CLRN1: variants seen among roughly 807,000 people sequenced by gnomAD.
CLRN1 encodes clarin 1.
In CLRN1, 15 loss-of-function variants were observed where a neutral mutation model predicts 18.7. That is an observed-to-expected ratio of 0.80 (90% CI 0.54 to 1.23). The LOEUF (loss-of-function observed/expected upper bound fraction) is 1.23, where lower values mean the gene tolerates loss of function less well. Among genes scored for constraint, CLRN1 ranks in the 50% most tolerant of loss-of-function variants. The pLI, the probability that CLRN1 is intolerant of heterozygous loss-of-function variation, is 0.00. For missense variants in CLRN1, 311 were observed against 277.5 expected, an observed-to-expected ratio of 1.12 and a Z score of -0.86; for synonymous variants, 104 against 102.9, an observed-to-expected ratio of 1.01 and a Z score of -0.07.
rs1231233910 is a variant in CLRN1, at chr3:150,941,724, G to A, written c.291C>T (p.Ile97=). Residue 97 remains isoleucine (I), a synonymous_variant, in exon 2 of 3, where the codon ATC becomes ATT. Transcript: ENST00000327047. ...CAGAGAAGAGAATGACATTGACGTG[G>A]ATGCTCACTGGGATTGCTTTGAGCA... The part of the protein sequence containing the change: ...PDLLKAIPVS[I]HVNVILFSAI... 10 of 1,613,952 alleles carry A rather than the reference G, an allele frequency of 6.2e-6. No individual in the cohort carries two copies. The highest frequency in any genetic ancestry group is 1.3e-5 in the African/African-American group (1 of 74,934).
In CLRN1 at chr3:150,927,819, C is replaced by T; in HGVS notation, c.*117G>A. 1 of 1,242,686 alleles carries T rather than the reference C, an allele frequency of 8.0e-7. No homozygotes were observed. The highest frequency in any genetic ancestry group is 1.2e-6 in the Non-Finnish European group (1 of 851,932). 77.0% of individuals were successfully genotyped at this position (1,242,686 alleles called of 1,614,324 possible). A position where few individuals can be genotyped will look rare whatever the true frequency, so the allele number is the denominator to read the frequency against. On this transcript the variant is annotated 3_prime_UTR_variant, in exon 3 of 3. Coordinates refer to ENST00000327047, the MANE Select transcript of CLRN1 (RefSeq NM_174878.3). ...TTAGTACGTAATTTGTAAACATTGT[C>T]ACGAAGGGTCCTGATGCTTTAATAT...
At chr3:150,941,117 G>A (rs1231351002) in intron 2 of CLRN1, among the ~76,000 whole-genome samples, 1 of 135,194 alleles carries the variant, frequency 7.4e-6, no homozygotes, top group Non-Finnish European at 1.6e-5. Context: ...ACAGATTGGA[G>A]TCTGTATTGT....
intron 1 of CLRN1, among the ~76,000 whole-genome samples, chr3:150,960,528 C>A (rs9825625): frequency 0.61 from 92,793 of 152,038 alleles, 28,762 homozygotes; most frequent in East Asian, 0.69. Context: ...ATTGCTATAA[C>A]TAATGCAGGA....
Position 150,926,838 on chromosome 3 carries a change from G to T in CLRN1, c.*1098C>A, listed in dbSNP as rs987353761. The T allele has an allele frequency of 1.2e-6, 2 of 1,614,054 alleles. No individual in the cohort carries two copies. Among genetic ancestry groups the T allele is most frequent in the Non-Finnish European group, 1.7e-6 (2 of 1,180,024 alleles). On this transcript the variant is annotated 3_prime_UTR_variant, in exon 3 of 3. Transcript: ENST00000327047. ...GACAGCAGGTTGAGGATGAAGGAAG[G>T]GTCAGTTCCAGGCTCAGCTGTGGCC...
intron 1 of CLRN1, among the ~76,000 whole-genome samples, chr3:150,948,945 T>C (rs1221920585): frequency 6.6e-6 from 1 of 152,148 alleles, no homozygotes; most frequent in Non-Finnish European, 1.5e-5. Context: ...TGAACATCAA[T>C]GCAAAAATCC....
intron 1 of CLRN1, among the ~76,000 whole-genome samples, chr3:150,953,645 G>A (rs1714596886): frequency 6.6e-6 from 1 of 152,092 alleles, no homozygotes; most frequent in African/African-American, 2.4e-5. Flanking sequence ...AGCCACTCAA[G>A]TAGCTGGGAT....
intron 2 of CLRN1, among the ~76,000 whole-genome samples, chr3:150,928,763 G>A (rs966975981): frequency 6.6e-6 from 1 of 152,186 alleles, no homozygotes; most frequent in Non-Finnish European, 1.5e-5. Context: ...TTGAGGTGGC[G>A]CACATCTCTA....
At chr3:150,947,359 T>C (rs980893469) in intron 1 of CLRN1, among the ~76,000 whole-genome samples, 4 of 152,180 alleles carry the variant, frequency 2.6e-5, no homozygotes, top group African/African-American at 9.7e-5. Flanking sequence ...AAGATCTAAC[T>C]ATCCTAAATA....
Position 150,955,000 on chromosome 3 carries a change from A to G in CLRN1, c.254-13239T>C, listed in dbSNP as rs368501222. The stretch of plus-strand genomic sequence containing the variant: ...TGCCAAAAACTGGAAACAACTTAGT[A>G]TCCATTGACAGGTGAACAGATAAAC... On this transcript the variant is annotated intron_variant, in intron 1 of 2. Transcript: ENST00000327047. 4.9e-4 allele frequency among the ~76,000 whole-genome samples: 74 copies of G among 152,364 alleles called. 1 individual carries two copies. In the South Asian group the frequency reaches 0.015, roughly 31 times the overall value.
At chr3:150,934,418 G>A (rs977138959) in intron 2 of CLRN1, among the ~76,000 whole-genome samples, 8 of 152,192 alleles carry the variant, frequency 5.3e-5, no homozygotes, top group African/African-American at 1.9e-4. Flanking sequence ...TGTAAGAGAA[G>A]CTATATGTAA....
At chr3:150,934,828 T>C (rs1160287641) in intron 2 of CLRN1, among the ~76,000 whole-genome samples, 2 of 151,854 alleles carry the variant, frequency 1.3e-5, no homozygotes, top group South Asian at 4.2e-4. Context: ...TTTCTCTTTC[T>C]CTCTCTCTGT....
intron 1 of CLRN1, 43 bp downstream of exon 1, chr3:150,972,413 T>A: frequency 1.2e-6 from 2 of 1,613,464 alleles, no homozygotes; most frequent in Non-Finnish European, 8.5e-7. Context: ...CTGGGAAGAG[T>A]CTGCCTAAAG....
chr3:150,941,647 G>T lies in CLRN1; in HGVS notation c.368C>A (p.Ala123Asp), dbSNP rs374963432. 41 of 1,614,062 alleles carry T rather than the reference G, an allele frequency of 2.5e-5. No homozygotes were observed. In the African/African-American group the frequency reaches 5.2e-4, roughly 20 times the overall value. ...MVGTAFFMYN[A>D]FGKPFETLHG... ...CAGAGTTTCAAAAGGTTTTCCAAAA[G>T]CATTGTACATGAAGAAGGCTGTCCC... is the stretch of plus-strand genomic sequence containing the variant. Residue 123 changes from alanine (A) to aspartate (D), a missense_variant, in exon 2 of 3, where the codon GCT (alanine) becomes GAT (aspartate). By Grantham distance (126) the Ala-to-Asp change is moderately radical. Coordinates refer to ENST00000327047, the MANE Select transcript of CLRN1 (RefSeq NM_174878.3).
intron 1 of CLRN1, among the ~76,000 whole-genome samples, chr3:150,955,243 A>G (rs1267141576): frequency 6.6e-6 from 1 of 152,210 alleles, no homozygotes; most frequent in African/African-American, 2.4e-5. Context: ...TGGGGGTAGG[A>G]GAGGAGATGG....
chr3:150,941,124 TTGTC>T lies in CLRN1; in HGVS notation c.433+454_433+457del, dbSNP rs1278553633. ...CACGACCAACAGATTGGAGTCTGTA[TTGTC>T]TGTCTGTCTGTCTATCTATCTATCT... On this transcript the variant is annotated intron_variant, in intron 2 of 2. Coordinates refer to ENST00000327047, the MANE Select transcript of CLRN1 (RefSeq NM_174878.3). 2.3e-3 allele frequency among the ~76,000 whole-genome samples: 333 copies of T among 141,980 alleles called. 3 individuals are homozygous for T. Among genetic ancestry groups the T allele is most frequent in the South Asian group, 7.1e-3 (32 of 4,520 alleles). The allele number at this position is 141,980 out of a possible 152,430, so 93.1% of individuals were successfully genotyped here. A position where few individuals can be genotyped will look rare whatever the true frequency, so the allele number is the denominator to read the frequency against.
intron 2 of CLRN1, among the ~76,000 whole-genome samples, chr3:150,938,705 G>T (rs1182310127): frequency 6.6e-6 from 1 of 152,136 alleles, no homozygotes; most frequent in Non-Finnish European, 1.5e-5. Context: ...CAGATCTGGA[G>T]CTGGCTCCTT....
At chr3:150,936,988 C>G (rs1713530296) in intron 2 of CLRN1, among the ~76,000 whole-genome samples, 1 of 152,194 alleles carries the variant, frequency 6.6e-6, no homozygotes, top group Non-Finnish European at 1.5e-5. Flanking sequence ...AAAGCCAGAT[C>G]TCTGCTATCT....
chr3:150,955,837 T>TA (rs1460036096), intron 1 of CLRN1, among the ~76,000 whole-genome samples: 1 of 152,216 alleles, frequency 6.6e-6, no homozygotes, highest in Non-Finnish European at 1.5e-5. Context: ...GACCTTTTTT[T>TA]ATGAACAATT....
intron 2 of CLRN1, chr3:150,940,658 C>A: frequency 2.6e-6 from 2 of 762,038 alleles, no homozygotes; most frequent in Non-Finnish European, 4.1e-6. Context: ...AGTGTTGGAT[C>A]TTTTTGCAAA....
Sources: gnomAD v4.1 joint callset for allele counts (sites outside exome capture counted in the v4.1 genomes callset) on GRCh38, gnomAD v4.1.1 for gene constraint, MANE v1.5 for transcripts, NCBI Gene and HGNC (gene_info 2026-07-23, HGNC 2026-07-21) for gene names.